Variants in SEPTIN9 observed in about 807,000 individuals in gnomAD.
SEPTIN9 encodes the protein septin 9, also known as septin-9.
In SEPTIN9, 13 loss-of-function variants were observed where a neutral mutation model predicts 56.6. That is an observed-to-expected ratio of 0.23 (90% CI 0.15 to 0.37). The LOEUF (loss-of-function observed/expected upper bound fraction) is 0.37, where lower values mean the gene tolerates loss of function less well. Among genes scored for constraint, SEPTIN9 ranks in the 10% least tolerant of loss-of-function variants. The pLI, the probability that SEPTIN9 is intolerant of heterozygous loss-of-function variation, is 1.00. For missense variants in SEPTIN9, 650 were observed against 823.1 expected (o/e 0.79, Z 2.57); for synonymous variants, 332 against 334.1 (o/e 0.99, Z 0.07).
At chr17:77,467,438 CTGGGGT>C (rs2144542059) in intron 3 of SEPTIN9, among the ~76,000 whole-genome samples, 2 of 152,306 alleles carry the variant, frequency 1.3e-5, no homozygotes, top group African/African-American at 4.8e-5. Flanking sequence ...GAGCCCAGCA[CTGGGGT>C]TGGGGAGTGG....
chr17:77,473,440 C>T (rs941697974), intron 3 of SEPTIN9, among the ~76,000 whole-genome samples: 1 of 151,984 alleles, frequency 6.6e-6, no homozygotes, highest in Non-Finnish European at 1.5e-5. Flanking sequence ...GCTACGTTGC[C>T]CAGGCTGGTC....
chr17:77,386,130 C>T (rs771334277), intron 2 of SEPTIN9, among the ~76,000 whole-genome samples: 8 of 152,196 alleles, frequency 5.3e-5, no homozygotes, highest in Admixed American at 2.0e-4. Flanking sequence ...GGGCTTCCCA[C>T]GCAAGCAGCC....
At chr17:77,383,410 C>T (rs60010594) in intron 2 of SEPTIN9, among the ~76,000 whole-genome samples, 2,790 of 152,210 alleles carry the variant, frequency 0.018, 112 homozygotes, top group East Asian at 0.17. Context: ...GATTGGGCTG[C>T]TGAGGCTCCA....
intron 3 of SEPTIN9, among the ~76,000 whole-genome samples, chr17:77,428,254 C>T (rs999821039): frequency 7.9e-5 from 12 of 152,196 alleles, no homozygotes; most frequent in Non-Finnish European, 1.6e-4. Context: ...GGACAGAGCT[C>T]GGGGACGGTG....
In SEPTIN9 at chr17:77,445,133, G is replaced by A. The variant is rs749035401; in HGVS notation, c.722-37011G>A. ...ACTCGGGCTACTCAGGGTTTCCCCA[G>A]CCTGCCAACCCAAGGGTGGCAGGAG... On this transcript the variant is annotated intron_variant, in intron 3 of 11. Transcript: ENST00000427177. The surrounding 1 kb of genome is among the most constrained non-coding windows in gnomAD (Gnocchi z 4.7). The A allele has an allele frequency of 2.1e-6, 1 of 467,458 alleles. No homozygotes were observed. Among genetic ancestry groups the A allele is most frequent in the South Asian group, 1.6e-5 (1 of 64,388 alleles). The allele number at this position is 467,458 out of a possible 1,614,324, so 29.0% of individuals were successfully genotyped here.
rs571404294 is a variant in SEPTIN9, at chr17:77,313,316, C to T, written c.76+6119C>T. Among the ~76,000 whole-genome samples the T allele has an allele frequency of 1.1e-3, 166 of 152,342 alleles. 1 individual carries two copies. The highest frequency in any genetic ancestry group is 3.8e-3 in the African/African-American group (156 of 41,578). On this transcript the variant is annotated intron_variant, in intron 2 of 11. Transcript: ENST00000427177. This position sits in a 1 kb window ranked among gnomAD's most constrained non-coding sequence, Gnocchi z 4.5. ...ATGTGAGAGTGGAATTGGGCCCAAC[C>T]GGGCTGCTTCTCCCCGTTGTCTTGG... is the stretch of plus-strand genomic sequence containing the variant.
Position 77,480,399 on chromosome 17 carries a change from T to C in SEPTIN9, c.722-1745T>C, listed in dbSNP as rs527505953. ...AGTGAAATAGGCCGAGAGGGATGGC[T>C]TGAATCGGCTGGGGATGCAGGCTGC... On this transcript the variant is annotated intron_variant, in intron 3 of 11. Transcript: ENST00000427177. Among the ~76,000 whole-genome samples the C allele has an allele frequency of 3.9e-5, 6 of 152,328 alleles. No individual in the cohort carries two copies. In the East Asian group the frequency reaches 1.2e-3, roughly 29 times the overall value.
intron 2 of SEPTIN9, among the ~76,000 whole-genome samples, chr17:77,357,128 G>A (rs2034280283): frequency 6.6e-6 from 1 of 152,156 alleles, no homozygotes; most frequent in African/African-American, 2.4e-5. Flanking sequence ...AGGGCACAAA[G>A]GGCAGGATGG....
chr17:77,316,852 A>T (rs535951173), intron 2 of SEPTIN9, among the ~76,000 whole-genome samples: 1 of 152,222 alleles, frequency 6.6e-6, no homozygotes, highest in South Asian at 2.1e-4. Flanking sequence ...GATTACAGGC[A>T]CGTGCCACCT....
At chr17:77,408,149 TC>T (rs2036159155) in intron 3 of SEPTIN9, among the ~76,000 whole-genome samples, 2 of 152,296 alleles carry the variant, frequency 1.3e-5, no homozygotes, top group South Asian at 4.1e-4. Context: ...TCTGGGCATG[TC>T]CCAGCTCTGC....
intron 4 of SEPTIN9, among the ~76,000 whole-genome samples, chr17:77,484,987 T>G (rs1269390891): frequency 1.5e-3 from 10 of 6,744 alleles, no homozygotes; most frequent in Non-Finnish European, 2.1e-3. Flanking sequence ...TGGTGGTGAT[T>G]GTGATGGTGG....
intron 3 of SEPTIN9, among the ~76,000 whole-genome samples, chr17:77,460,230 G>A (rs550901897): frequency 7.2e-5 from 11 of 152,304 alleles, no homozygotes; most frequent in Admixed American, 7.2e-4. Context: ...TCCTTGTTGA[G>A]AGAGCGGTGG....
chr17:77,462,228 T>A (rs1276839075), intron 3 of SEPTIN9, among the ~76,000 whole-genome samples: 1 of 152,154 alleles, frequency 6.6e-6, no homozygotes, highest in Admixed American at 6.5e-5. Context: ...AGAGAAACCG[T>A]TAGCCTGAGC....
At chr17:77,448,164 T>A (rs1447843957) in intron 3 of SEPTIN9, among the ~76,000 whole-genome samples, 1 of 152,136 alleles carries the variant, frequency 6.6e-6, no homozygotes, top group Non-Finnish European at 1.5e-5. Flanking sequence ...CCTGGTATTA[T>A]CCTAGGATCA....
At chr17:77,346,278 C>CCTTTTTTT (rs2033889470) in intron 2 of SEPTIN9, among the ~76,000 whole-genome samples, 2 of 46,316 alleles carry the variant, frequency 4.3e-5, no homozygotes, top group African/African-American at 7.7e-5. Flanking sequence ...ATCCTTAGGT[C>CCTTTTTTT]TTTTTTTTTT....
intron 1 of SEPTIN9, among the ~76,000 whole-genome samples, chr17:77,286,080 C>T (rs762125100): frequency 5.9e-5 from 9 of 152,266 alleles, no homozygotes; most frequent in South Asian, 4.1e-4. Context: ...TCTGCTCTGG[C>T]GCATTCAGGG....
intron 3 of SEPTIN9, among the ~76,000 whole-genome samples, chr17:77,463,332 T>C (rs914308348): frequency 3.3e-5 from 5 of 152,200 alleles, no homozygotes; most frequent in Admixed American, 1.3e-4. Flanking sequence ...CAGTCTGCTT[T>C]ACCCAGGCTC....
intron 1 of SEPTIN9, 87 bp downstream of exon 1, chr17:77,281,641 C>A: frequency 3.0e-6 from 4 of 1,333,918 alleles, no homozygotes; most frequent in South Asian, 1.4e-5. Flanking sequence ...AGTGGCGAGG[C>A]GCCCCCGGAG....
chr17:77,441,493 T>A (rs1035041512), intron 3 of SEPTIN9, among the ~76,000 whole-genome samples: 1 of 152,248 alleles, frequency 6.6e-6, no homozygotes, highest in African/African-American at 2.4e-5. Context: ...GCTCATATGA[T>A]CTTCCCCAAA....
Sources: allele counts gnomAD v4.1 joint callset (sites outside exome capture counted in the v4.1 genomes callset), GRCh38; gene constraint gnomAD v4.1.1; non-coding constraint Gnocchi (gnomAD v3.1); transcripts MANE v1.5; gene names NCBI Gene and HGNC (gene_info 2026-07-23, HGNC 2026-07-21).